The following GNB1L variants were observed in gnomAD, a reference collection of about 807,000 sequenced individuals.
The protein encoded by GNB1L is G protein subunit beta 1 like.
GNB1L carries 20 observed loss-of-function variants against 29.1 expected under a neutral mutation model. The ratio of observed to expected loss-of-function variants is 0.69; its 90% CI spans 0.48 to 1.00. GNB1L has a LOEUF of 1.00. GNB1L is among the 50% of genes least tolerant of loss of function. The pLI, the probability that GNB1L is intolerant of heterozygous loss-of-function variation, is 0.00. For synonymous variants in GNB1L, 193 were observed against 206.5 expected (o/e 0.93, Z 0.56); for missense variants, 421 against 464.9 (o/e 0.91, Z 0.87).
At chr22:19,806,806 G>A in intron 5 of GNB1L, 49 bp from the exon 6 acceptor site, 2 of 1,282,392 alleles carry the variant, frequency 1.6e-6, no homozygotes, top group South Asian at 2.4e-5. Flanking sequence ...AGTCGAGTCT[G>A]CGCTATACAA....
At position 19,816,605 on chromosome 22, in the gene GNB1L, C is replaced by G. The variant is rs12158023; in HGVS notation, c.254+3993G>C. Among the ~76,000 whole-genome samples the G allele has an allele frequency of 1.1e-4, 16 of 152,232 alleles. No homozygotes were observed. The highest frequency in any genetic ancestry group is 3.9e-4 in the African/African-American group (16 of 41,540). On this transcript the variant is annotated intron_variant, in intron 4 of 7. Transcript: ENST00000329517. The surrounding 1 kb of genome is among the most constrained non-coding windows in gnomAD (Gnocchi z 4.4). ...CACACATGCCTCACATGCATGCACA[C>G]AACACACAATCACACACACCACACA... is the stretch of plus-strand genomic sequence containing the variant.
intron 2 of GNB1L, among the ~76,000 whole-genome samples, chr22:19,822,729 G>A (rs570301456): frequency 6.6e-6 from 1 of 152,340 alleles, no homozygotes; most frequent in Admixed American, 6.5e-5. Flanking sequence ...AAAGGACCAG[G>A]GCAGGGGAGA....
At chr22:19,812,701 C>T (rs1937511036) in intron 4 of GNB1L, among the ~76,000 whole-genome samples, 1 of 152,194 alleles carries the variant, frequency 6.6e-6, no homozygotes. Flanking sequence ...CCAGCGTGGC[C>T]CCGGGGTGGG....
intron 7 of GNB1L, among the ~76,000 whole-genome samples, chr22:19,795,703 A>C (rs945209407): frequency 6.6e-6 from 1 of 152,270 alleles, no homozygotes; most frequent in African/African-American, 2.4e-5. Flanking sequence ...AAATGAAGAC[A>C]CAGTAAGTCA....
chr22:19,808,991 G>A (rs1937467472), intron 5 of GNB1L, among the ~76,000 whole-genome samples: 1 of 152,098 alleles, frequency 6.6e-6, no homozygotes, highest in African/African-American at 2.4e-5. Flanking sequence ...AAATGATACG[G>A]GAGAGGGGCA....
intron 2 of GNB1L, among the ~76,000 whole-genome samples, chr22:19,834,569 G>A (rs1276276534): frequency 6.6e-6 from 1 of 152,166 alleles, no homozygotes; most frequent in African/African-American, 2.4e-5. Flanking sequence ...AGGAGGGTAA[G>A]GGACCTATGT....
At chr22:19,837,050 T>C (rs1333313375) in intron 2 of GNB1L, among the ~76,000 whole-genome samples, 1 of 151,620 alleles carries the variant, frequency 6.6e-6, no homozygotes, top group Non-Finnish European at 1.5e-5. Flanking sequence ...CACTGCAAGC[T>C]CTGCCTCCTG....
At chr22:19,795,755 G>C (rs997139564) in intron 7 of GNB1L, among the ~76,000 whole-genome samples, 14 of 152,172 alleles carry the variant, frequency 9.2e-5, no homozygotes, top group African/African-American at 3.1e-4. Context: ...GCCAGGCTGG[G>C]AGCTGAATTC....
intron 2 of GNB1L, among the ~76,000 whole-genome samples, chr22:19,827,999 T>G (rs939245958): frequency 6.6e-6 from 1 of 151,996 alleles, no homozygotes; most frequent in Non-Finnish European, 1.5e-5. Flanking sequence ...TGAAAATGAA[T>G]CAACTCCAGT....
intron 2 of GNB1L, chr22:19,852,115 C>G: frequency 2.5e-6 from 4 of 1,614,242 alleles, no homozygotes; most frequent in Non-Finnish European, 3.4e-6. Flanking sequence ...CACAGCAGGG[C>G]CGCTCAATCC....
chr22:19,848,748 C>T (rs2145903688), intron 2 of GNB1L: 1 of 985,566 alleles, frequency 1.0e-6, no homozygotes. Context: ...CCAGGAGCTG[C>T]CTGGGTCCCA....
intron 4 of GNB1L, among the ~76,000 whole-genome samples, chr22:19,815,710 T>C (rs1311767934): frequency 1.3e-5 from 2 of 152,146 alleles, no homozygotes; most frequent in African/African-American, 4.8e-5. Flanking sequence ...GCCTCCCAAG[T>C]AGCTGGGACT....
At chr22:19,852,329 G>C in intron 2 of GNB1L, 3 of 1,512,380 alleles carry the variant, frequency 2.0e-6, no homozygotes, top group Non-Finnish European at 2.7e-6. Context: ...GACAGATGTG[G>C]CTTGCACGAC....
At chr22:19,827,261 C>CA (rs934102390) in intron 2 of GNB1L, among the ~76,000 whole-genome samples, 9 of 151,864 alleles carry the variant, frequency 5.9e-5, no homozygotes, top group African/African-American at 1.7e-4. Context: ...TCAAATGTTT[C>CA]AAAAAAAATT....
chr22:19,821,367 T>C lies in GNB1L; in HGVS notation c.-12A>G, dbSNP rs1937577971. The C allele has an allele frequency of 7.4e-6, 12 of 1,611,116 alleles. No homozygotes were observed. The highest frequency in any genetic ancestry group is 1.0e-5 in the Non-Finnish European group (12 of 1,179,556). ...CAGGGGGCCGTCATGCTGGGCAGGA[T>C]GCAGTTACCTGGGCACCAAGGGAGG... On this transcript the variant is annotated 5_prime_UTR_variant, in exon 3 of 8. Coordinates refer to ENST00000329517, the MANE Select transcript of GNB1L (RefSeq NM_053004.3).
intron 2 of GNB1L, among the ~76,000 whole-genome samples, chr22:19,844,657 C>T (rs894165616): frequency 8.5e-5 from 13 of 152,206 alleles, no homozygotes; most frequent in African/African-American, 2.2e-4. Context: ...AGGCATCTCA[C>T]GCTGTGGCTG....
chr22:19,850,554 C>A (rs1337824751), intron 2 of GNB1L: 3 of 1,111,532 alleles, frequency 2.7e-6, no homozygotes, highest in Non-Finnish European at 3.3e-6. Context: ...CCAAACCTTC[C>A]AGCTGCCCAG....
chr22:19,792,758 G>T, intron 7 of GNB1L: 1 of 1,499,310 alleles, frequency 6.7e-7, no homozygotes, highest in South Asian at 1.2e-5. Context: ...CTCAGCTGGT[G>T]GTGATTGCAG....
intron 2 of GNB1L, among the ~76,000 whole-genome samples, chr22:19,840,379 G>C (rs1163044839): frequency 1.3e-5 from 2 of 152,254 alleles, no homozygotes; most frequent in African/African-American, 2.4e-5. Flanking sequence ...CCCTTCCTAA[G>C]AGGAGAGTAC....
Sources: gnomAD v4.1 joint callset for allele counts (sites outside exome capture counted in the v4.1 genomes callset) on GRCh38, gnomAD v4.1.1 for gene constraint, Gnocchi (gnomAD v3.1) non-coding constraint, MANE v1.5 for transcripts, NCBI Gene and HGNC (gene_info 2026-07-23, HGNC 2026-07-21) for gene names.